DNAH14: variants seen among roughly 807,000 people sequenced by gnomAD.
DNAH14 encodes axonemal beta dynein heavy chain 14.
DNAH14 carries 478 observed loss-of-function variants against 520.9 expected under a neutral mutation model. That is an observed-to-expected ratio of 0.92 (90% CI 0.85 to 0.99). The LOEUF is 0.99. Ranked by LOEUF, DNAH14 falls within the 50% of genes least tolerant of loss-of-function variation. The probability of loss-of-function intolerance (pLI) is 0.00; values close to 1 mark genes in which losing one functional copy is unlikely to be tolerated. For synonymous variants in DNAH14, 1,581 were observed against 1,757.2 expected, an observed-to-expected ratio of 0.90 and a Z score of 2.51; for missense variants, 4,831 against 5,234.5, an observed-to-expected ratio of 0.92 and a Z score of 2.38.
intron 45 of DNAH14, among the ~76,000 whole-genome samples, chr1:225,258,467 C>A (rs2092817839): frequency 6.6e-6 from 1 of 152,112 alleles, no homozygotes; most frequent in South Asian, 2.1e-4. Context: ...TGGGATTCCC[C>A]AATCCAATAT....
rs981512919 is a variant in DNAH14 at position 224,955,180 on chromosome 1, A to G, written c.217+82A>G. ...TGAAAGAAATTTTTCATAGCATTAA[A>G]TTAAGGAAACAAGTGAAACATATTG... On this transcript the variant is annotated intron_variant, in intron 3 of 85. Transcript: ENST00000682510. The G allele has an allele frequency of 3.5e-6, 5 of 1,423,148 alleles. No homozygotes were observed. The African/African-American group carries it at 4.3e-5, about 12-fold the overall frequency. 88.2% of individuals were successfully genotyped at this position (1,423,148 alleles called of 1,614,324 possible). A position where few individuals can be genotyped will look rare whatever the true frequency, so the allele number is the denominator to read the frequency against.
At chr1:225,114,219 T>C (rs953087342) in intron 23 of DNAH14, among the ~76,000 whole-genome samples, 26 of 152,206 alleles carry the variant, frequency 1.7e-4, no homozygotes, top group Admixed American at 2.0e-4. Context: ...CTGCTAGGAC[T>C]GGATCCTTCT....
intron 28 of DNAH14, among the ~76,000 whole-genome samples, chr1:225,143,308 T>G (rs1174364077): frequency 6.6e-6 from 1 of 152,218 alleles, no homozygotes; most frequent in East Asian, 1.9e-4. Flanking sequence ...AAAAAACATT[T>G]TCTTCCACAA....
At chr1:225,250,659 G>A in intron 43 of DNAH14, 2 of 551,318 alleles carry the variant, frequency 3.6e-6, no homozygotes, top group Admixed American at 3.2e-5. Flanking sequence ...CACTCAGGAT[G>A]GAAGCACTGG....
chr1:225,359,071 C>A (rs568026992), intron 74 of DNAH14, among the ~76,000 whole-genome samples: 2 of 152,300 alleles, frequency 1.3e-5, no homozygotes, highest in Non-Finnish European at 2.9e-5. Flanking sequence ...AATGATGATA[C>A]AATATCAGCC....
At chr1:225,058,922 A>T (rs1430641371) in intron 17 of DNAH14, among the ~76,000 whole-genome samples, 1 of 152,106 alleles carries the variant, frequency 6.6e-6, no homozygotes, top group African/African-American at 2.4e-5. Context: ...TTATTCTTTT[A>T]CATTTGCTGA....
intron 42 of DNAH14, among the ~76,000 whole-genome samples, chr1:225,238,920 T>C (rs1335067167): frequency 6.6e-6 from 1 of 152,154 alleles, no homozygotes; most frequent in Non-Finnish European, 1.5e-5. Flanking sequence ...GCAGCTGTAC[T>C]GTGTTGTGGG....
Position 225,364,790 on chromosome 1 carries a change from A to G in DNAH14, c.11988-2A>G. 1.3e-6 allele frequency: 2 copies of G among 1,512,650 alleles called. No homozygotes were observed. The highest frequency in any genetic ancestry group is 8.8e-7 in the Non-Finnish European group (1 of 1,132,804). 93.7% of individuals were successfully genotyped at this position (1,512,650 alleles called of 1,614,324 possible). A position where few individuals can be genotyped will look rare whatever the true frequency, so the allele number is the denominator to read the frequency against. On this transcript the variant is annotated splice_acceptor_variant, in intron 75 of 85. Coordinates refer to ENST00000682510, the MANE Select transcript of DNAH14 (RefSeq NM_001367479.1). LOFTEE classifies it high-confidence loss of function. The stretch of plus-strand genomic sequence containing the variant: ...AATATTTATAAATTTTTTATTTTGC[A>G]GTTTTAATAGTCCAAACGTGACAAT...
chr1:225,102,357 G>C (rs528442879), intron 23 of DNAH14, among the ~76,000 whole-genome samples: 2 of 152,152 alleles, frequency 1.3e-5, no homozygotes, highest in Non-Finnish European at 2.9e-5. Context: ...ACATACGTGT[G>C]CATGTGTCTT....
chr1:225,367,082 A>G (rs962996967), intron 76 of DNAH14, among the ~76,000 whole-genome samples: 1 of 151,916 alleles, frequency 6.6e-6, no homozygotes, highest in Non-Finnish European at 1.5e-5. Context: ...ATACATTTAT[A>G]TATCATATAT....
intron 36 of DNAH14, among the ~76,000 whole-genome samples, chr1:225,174,550 T>C (rs554042184): frequency 4.5e-4 from 69 of 152,336 alleles, no homozygotes; most frequent in Non-Finnish European, 6.0e-4. Flanking sequence ...TTAAATTCAT[T>C]TATTAGTTTT....
At chr1:224,936,075 G>A (rs1171498349) in intron 1 of DNAH14, among the ~76,000 whole-genome samples, 1 of 151,690 alleles carries the variant, frequency 6.6e-6, no homozygotes, top group Non-Finnish European at 1.5e-5. Flanking sequence ...AAGTGCTAAT[G>A]GGGAATTTTA....
At chr1:225,372,419 TC>T in intron 77 of DNAH14, among the ~76,000 whole-genome samples, 1 of 152,244 alleles carries the variant, frequency 6.6e-6, no homozygotes, top group East Asian at 1.9e-4. Context: ...GGTGCAAAAA[TC>T]TAAGTTTTTA....
Position 225,340,676 on chromosome 1 carries a change from A to T in DNAH14, c.10653A>T (p.Thr3551=). Residue 3551 remains threonine (T), a synonymous_variant, in exon 69 of 86, where the codon ACA becomes ACT. Coordinates refer to ENST00000682510, the MANE Select transcript of DNAH14 (RefSeq NM_001367479.1). ...CTCTTGAAGAACTAGAGGAAAAAAC[A>T]TTAAATTTACTGCAGAAAGCACTAG... is the stretch of plus-strand genomic sequence containing the variant. ...AITLEELEEK[T]LNLLQKALGS... is the part of the protein sequence containing the mutation. The T allele has an allele frequency of 6.4e-7, 1 of 1,551,350 alleles. No individual in the cohort carries two copies. The highest frequency in any genetic ancestry group is 1.4e-5 in the African/African-American group (1 of 73,146).
chr1:225,265,228 T>G lies in DNAH14; in HGVS notation c.7269T>G (p.Leu2423=). 6.6e-7 allele frequency: 1 copy of G among 1,509,918 alleles called. No homozygotes were observed. Among genetic ancestry groups the G allele is most frequent in the Non-Finnish European group, 8.8e-7 (1 of 1,133,792 alleles). 93.5% of individuals were successfully genotyped at this position (1,509,918 alleles called of 1,614,324 possible). A position where few individuals can be genotyped will look rare whatever the true frequency, so the allele number is the denominator to read the frequency against. The change falls in exon 48 of 86, where the codon CTT becomes CTG. Residue 2423 remains leucine (L), a synonymous_variant. Coordinates refer to ENST00000682510, the MANE Select transcript of DNAH14 (RefSeq NM_001367479.1). ...AAGTTAGAACTAATAAAAAGTTACT[T>G]AAAAATAATGATCATAAAGGAGTTG... The part of the protein sequence containing the change: ...KPEVRTNKKL[L]KNNDHKGVVV...
In DNAH14 at chr1:225,368,158, G is replaced by A. The variant is rs142033483; in HGVS notation, c.12318+126G>A. On this transcript the variant is annotated intron_variant, in intron 77 of 85. Transcript: ENST00000682510. Reference sequence around the variant, plus strand: ...GTAAGAAAATGAACTCTATAACTAGGCAATAAGGGCTAACGTTTAGAAACA... The same window carrying A: ...GTAAGAAAATGAACTCTATAACTAGACAATAAGGGCTAACGTTTAGAAACA... The A allele has an allele frequency of 2.2e-4, 172 of 783,636 alleles. No homozygotes were observed. In the African/African-American group the frequency reaches 2.6e-3, roughly 12 times the overall value. 48.5% of individuals were successfully genotyped at this position (783,636 alleles called of 1,614,324 possible).
At chr1:225,378,603 C>T (rs965099414) in intron 79 of DNAH14, among the ~76,000 whole-genome samples, 3 of 152,182 alleles carry the variant, frequency 2.0e-5, no homozygotes, top group South Asian at 2.1e-4. Context: ...CAGTCCTGGC[C>T]GGGCGCGGTG....
chr1:225,056,258 G>A (rs2069081662), intron 17 of DNAH14, among the ~76,000 whole-genome samples: 1 of 152,276 alleles, frequency 6.6e-6, no homozygotes, highest in East Asian at 1.9e-4. Context: ...TCTCATTGTG[G>A]TTTAGATTTG....
chr1:225,028,080 A>G (rs1227905651), intron 11 of DNAH14, among the ~76,000 whole-genome samples: 1 of 152,038 alleles, frequency 6.6e-6, no homozygotes, highest in Non-Finnish European at 1.5e-5. Flanking sequence ...CGTAAAGGAC[A>G]TTGGTCTGTA....
Sources: allele counts gnomAD v4.1 joint callset (sites outside exome capture counted in the v4.1 genomes callset), GRCh38; gene constraint gnomAD v4.1.1; transcripts MANE v1.5; gene names NCBI Gene and HGNC (gene_info 2026-07-23, HGNC 2026-07-21).